The following ZMYND11 variants were observed in gnomAD, a reference collection of about 807,000 sequenced individuals.
The protein encoded by ZMYND11 is zinc finger MYND domain-containing protein 11.
ZMYND11 carries 9 observed loss-of-function variants against 84.9 expected under a neutral mutation model. That is an observed-to-expected ratio of 0.11 (90% CI 0.06 to 0.18). The LOEUF is 0.18. Among genes scored for constraint, ZMYND11 ranks in the 10% least tolerant of loss-of-function variants. The pLI, the probability that ZMYND11 is intolerant of heterozygous loss-of-function variation, is 1.00. For missense variants in ZMYND11, 409 were observed against 761.0 expected (o/e 0.54, Z 5.44); for synonymous variants, 250 against 244.1 (o/e 1.02, Z -0.23).
intron 3 of ZMYND11, 24 bp from the exon 4 acceptor site, chr10:221,171 A>G (rs1947083856): frequency 6.2e-7 from 1 of 1,610,372 alleles, no homozygotes; most frequent in African/African-American, 1.3e-5. Flanking sequence ...ATGTCATACA[A>G]AACTATTTTG....
chr10:223,781 A>C (rs1947582186), intron 4 of ZMYND11, among the ~76,000 whole-genome samples: 1 of 152,202 alleles, frequency 6.6e-6, no homozygotes. Flanking sequence ...TTTAAGGTGA[A>C]GTTATTGGTT....
intron 2 of ZMYND11, among the ~76,000 whole-genome samples, chr10:181,392 G>C (rs1016245451): frequency 6.6e-6 from 1 of 152,226 alleles, no homozygotes; most frequent in Non-Finnish European, 1.5e-5. Context: ...GCCAAGGCTG[G>C]TGGATCGCCT....
chr10:220,779 A>T (rs535331819), intron 3 of ZMYND11, among the ~76,000 whole-genome samples: 11 of 150,524 alleles, frequency 7.3e-5, no homozygotes, highest in African/African-American at 2.7e-4. Context: ...ACAGTGTGTC[A>T]AGGACTGTTA....
chr10:146,889 A>C (rs1460039464), intron 1 of ZMYND11, among the ~76,000 whole-genome samples: 1 of 152,250 alleles, frequency 6.6e-6, no homozygotes, highest in Non-Finnish European at 1.5e-5. Context: ...GCCTGCCAGC[A>C]TGTAAGACAT....
rs929052641 is a variant in ZMYND11 at position 241,889 on chromosome 10, C to G, written c.832-132C>G. ...TCAGTCAATCCCAGAAAAAAAATCT[C>G]GTATGTGTTTAGGAGTTATGAAAGA... On this transcript the variant is annotated intron_variant, in intron 9 of 14. Transcript: ENST00000381604. 3 of 1,121,118 alleles carry G rather than the reference C, an allele frequency of 2.7e-6. No homozygotes were observed. In the African/African-American group the frequency reaches 4.8e-5, roughly 18 times the overall value. The allele number at this position is 1,121,118 out of a possible 1,614,324, so 69.4% of individuals were successfully genotyped here.
chr10:216,913 CCA>C (rs1946278508), intron 3 of ZMYND11, among the ~76,000 whole-genome samples: 1 of 151,860 alleles, frequency 6.6e-6, no homozygotes, highest in Non-Finnish European at 1.5e-5. Context: ...AAATATGTAA[CCA>C]TCAGATTATT....
intron 1 of ZMYND11, among the ~76,000 whole-genome samples, chr10:153,922 C>T (rs1193595288): frequency 3.3e-5 from 5 of 152,170 alleles, no homozygotes; most frequent in African/African-American, 9.7e-5. Flanking sequence ...TCAAATTTAA[C>T]GGTTTCATGC....
chr10:222,586 CTG>C (rs1947311161), intron 4 of ZMYND11, among the ~76,000 whole-genome samples: 1 of 151,964 alleles, frequency 6.6e-6, no homozygotes, highest in African/African-American at 2.4e-5. Flanking sequence ...AGCAAAGGAG[CTG>C]TATTAATATT....
chr10:186,044 C>T (rs1328945244), intron 2 of ZMYND11, among the ~76,000 whole-genome samples: 1 of 149,342 alleles, frequency 6.7e-6, no homozygotes, highest in Admixed American at 6.6e-5. Flanking sequence ...GAGTCTGGCT[C>T]TTTCGCCCAG....
chr10:152,602 CAAT>C (rs2131343666), intron 1 of ZMYND11, among the ~76,000 whole-genome samples: 1 of 152,246 alleles, frequency 6.6e-6, no homozygotes, highest in Admixed American at 6.5e-5. Context: ...CACTCCCGCA[CAAT>C]AATAATGGGA....
chr10:208,648 T>A (rs1373321824), intron 2 of ZMYND11, among the ~76,000 whole-genome samples: 2 of 152,172 alleles, frequency 1.3e-5, no homozygotes, highest in African/African-American at 4.8e-5. Flanking sequence ...ATTAGCACAT[T>A]TTCCCCTTCA....
intron 3 of ZMYND11, among the ~76,000 whole-genome samples, chr10:212,606 C>A (rs1564391784): frequency 6.6e-6 from 1 of 151,602 alleles, no homozygotes; most frequent in Non-Finnish European, 1.5e-5. Context: ...GCCTCTGATC[C>A]TCAGCCCTCA....
At position 173,463 on chromosome 10, in the gene ZMYND11, A is replaced by G. The variant is rs571070982; in HGVS notation, c.-19-6531A>G. The stretch of plus-strand genomic sequence containing the variant: ...AATAAGAAAATGAAGAACATGTTCT[A>G]GAAATGGACAGAAGGGCAAAGGTGG... On this transcript the variant is annotated intron_variant, in intron 1 of 14. Coordinates refer to ENST00000381604, the MANE Select transcript of ZMYND11 (RefSeq NM_001370100.5). Among the ~76,000 whole-genome samples, 10 of 152,332 alleles carry G rather than the reference A, an allele frequency of 6.6e-5. No individual in the cohort carries two copies. The South Asian group carries it at 2.1e-3, about 32-fold the overall frequency.
intron 1 of ZMYND11, among the ~76,000 whole-genome samples, chr10:140,606 C>T (rs1369612110): frequency 1.3e-5 from 2 of 152,166 alleles, no homozygotes; most frequent in Admixed American, 6.5e-5. Flanking sequence ...TTTAATCTTT[C>T]ATTGCATATA....
At chr10:204,410 T>G (rs1943775476) in intron 2 of ZMYND11, among the ~76,000 whole-genome samples, 1 of 152,224 alleles carries the variant, frequency 6.6e-6, no homozygotes, top group South Asian at 2.1e-4. Flanking sequence ...TTGGTCTTCT[T>G]TTCAATCACC....
At chr10:147,178 TG>T (rs1554755591) in intron 1 of ZMYND11, among the ~76,000 whole-genome samples, 2 of 152,238 alleles carry the variant, frequency 1.3e-5, no homozygotes, top group African/African-American at 4.8e-5. Flanking sequence ...TCTAGGTATA[TG>T]AGCATATCAT....
intron 4 of ZMYND11, among the ~76,000 whole-genome samples, chr10:235,890 T>G (rs747994511): frequency 6.6e-6 from 1 of 152,256 alleles, no homozygotes; most frequent in Non-Finnish European, 1.5e-5. Flanking sequence ...TACGTACGTA[T>G]AATCAATTCA....
chr10:240,002 G>T, intron 7 of ZMYND11, 54 bp from the exon 8 acceptor site: 1 of 1,455,412 alleles, frequency 6.9e-7, no homozygotes. Flanking sequence ...TAGTAACTTT[G>T]AGTCTTGTAT....
At chr10:138,882 C>T (rs565708528) in intron 1 of ZMYND11, among the ~76,000 whole-genome samples, 4 of 152,268 alleles carry the variant, frequency 2.6e-5, no homozygotes, top group South Asian at 4.1e-4. Context: ...CTCGCTCTGT[C>T]GCCCAGGCTG....
Sources: allele counts gnomAD v4.1 joint callset (sites outside exome capture counted in the v4.1 genomes callset), GRCh38; gene constraint gnomAD v4.1.1; transcripts MANE v1.5; gene names NCBI Gene and HGNC (gene_info 2026-07-23, HGNC 2026-07-21).